The following PCDH15 variants were observed in gnomAD, a reference collection of about 807,000 sequenced individuals.
PCDH15 encodes protocadherin related 15.
In PCDH15, 129 loss-of-function variants were observed where a neutral mutation model predicts 178.5. That is an observed-to-expected ratio of 0.72 (90% CI 0.63 to 0.84). The LOEUF (loss-of-function observed/expected upper bound fraction) is 0.84, where lower values mean the gene tolerates loss of function less well. Among genes scored for constraint, PCDH15 ranks in the 40% least tolerant of loss-of-function variants. The pLI is 0.00. For missense variants in PCDH15, 2,230 were observed against 2,099.9 expected, an observed-to-expected ratio of 1.06 and a Z score of -1.21; for synonymous variants, 800 against 732.0, an observed-to-expected ratio of 1.09 and a Z score of -1.50.
At chr10:54,619,765 A>G (rs1319985830) in intron 2 of PCDH15, among the ~76,000 whole-genome samples, 1 of 152,038 alleles carries the variant, frequency 6.6e-6, no homozygotes, top group Non-Finnish European at 1.5e-5. Context: ...CATAGTGTGG[A>G]CCAAATTTAC....
intron 17 of PCDH15, among the ~76,000 whole-genome samples, chr10:54,073,844 T>C (rs2094292098): frequency 6.6e-6 from 1 of 152,214 alleles, no homozygotes; most frequent in Admixed American, 6.5e-5. Context: ...TTTATATCTT[T>C]CACTGTGTTA....
At chr10:55,086,200 T>G (rs1733748) in intron 2 of PCDH15, among the ~76,000 whole-genome samples, 13,919 of 151,958 alleles carry the variant, frequency 0.092, 1,920 homozygotes, top group African/African-American at 0.3. Flanking sequence ...AGGGAATAAT[T>G]ATTTCACTGC....
At chr10:53,877,247 T>G (rs2080315220) in intron 26 of PCDH15, among the ~76,000 whole-genome samples, 1 of 152,166 alleles carries the variant, frequency 6.6e-6, no homozygotes, top group Admixed American at 6.6e-5. Flanking sequence ...AATAAAATGA[T>G]TATACCTCCC....
intron 2 of PCDH15, among the ~76,000 whole-genome samples, chr10:54,930,912 T>A (rs1837755767): frequency 6.6e-6 from 1 of 152,196 alleles, no homozygotes; most frequent in African/African-American, 2.4e-5. Context: ...ACAAAACATT[T>A]GGGCAATTTT....
chr10:55,544,569 A>G (rs915025443), intron 2 of PCDH15, among the ~76,000 whole-genome samples: 3 of 151,932 alleles, frequency 2.0e-5, no homozygotes, highest in Non-Finnish European at 4.4e-5. Context: ...TTTTTTCCTT[A>G]CTGTTAGGGA....
rs143672274 is a variant in PCDH15, at chr10:55,421,598, T to A, written c.-156+206027A>T. 1.2e-3 allele frequency among the ~76,000 whole-genome samples: 177 copies of A among 151,096 alleles called. 1 individual carries two copies. Among genetic ancestry groups the A allele is most frequent in the African/African-American group, 4.1e-3 (168 of 41,406 alleles). On this transcript the variant is annotated intron_variant, in intron 2 of 5. Coordinates refer to the PCDH15 transcript ENST00000613346. The stretch of plus-strand genomic sequence containing the variant: ...ATTTTATCAGGAGACTAAAATGATC[T>A]TCTGTGACTCACTGCTAGAGAAACT...
intron 3 of PCDH15, among the ~76,000 whole-genome samples, chr10:54,873,913 T>A (rs1427145289): frequency 6.6e-6 from 1 of 150,624 alleles, no homozygotes; most frequent in African/African-American, 2.4e-5. Context: ...TGTATAGTAA[T>A]GAATAAATTA....
intron 3 of PCDH15, among the ~76,000 whole-genome samples, chr10:54,864,489 A>T (rs1953900943): frequency 6.6e-6 from 1 of 152,210 alleles, no homozygotes; most frequent in Non-Finnish European, 1.5e-5. Context: ...GGAAACTTAT[A>T]TCAAGGATAG....
At chr10:54,373,848 T>C (rs532869453) in intron 4 of PCDH15, among the ~76,000 whole-genome samples, 38 of 152,146 alleles carry the variant, frequency 2.5e-4, no homozygotes, top group African/African-American at 8.2e-4. Context: ...GCACATAAAA[T>C]TCAACTGATA....
chr10:55,278,232 G>T (rs1004617924), intron 1 of PCDH15, among the ~76,000 whole-genome samples: 1 of 151,854 alleles, frequency 6.6e-6, no homozygotes. Context: ...TTGAAAGGGA[G>T]AGTAACATAT....
chr10:55,293,728 C>T (rs1843069802), intron 1 of PCDH15, among the ~76,000 whole-genome samples: 1 of 152,134 alleles, frequency 6.6e-6, no homozygotes. Context: ...CCAACAAGTT[C>T]CTCATCTTCA....
At chr10:54,813,733 T>A (rs2133732215) in intron 3 of PCDH15, among the ~76,000 whole-genome samples, 1 of 152,336 alleles carries the variant, frequency 6.6e-6, no homozygotes, top group Admixed American at 6.5e-5. Flanking sequence ...CTTCAATCTA[T>A]TCTGCACATC....
chr10:53,839,888 A>T (rs2077536914), intron 29 of PCDH15, among the ~76,000 whole-genome samples: 1 of 152,230 alleles, frequency 6.6e-6, no homozygotes. Flanking sequence ...AAAAAAGCAG[A>T]TATTGATTTT....
intron 2 of PCDH15, among the ~76,000 whole-genome samples, chr10:55,410,972 T>G (rs1838317416): frequency 2.0e-5 from 3 of 151,906 alleles, no homozygotes; most frequent in South Asian, 4.1e-4. Context: ...TGAAAAAAAA[T>G]CCAAGCACTG....
chr10:53,977,480 C>T (rs575866685), intron 21 of PCDH15, among the ~76,000 whole-genome samples: 9 of 152,298 alleles, frequency 5.9e-5, no homozygotes, highest in South Asian at 2.1e-4. Flanking sequence ...GTAACACTTA[C>T]GTGTATGTGT....
intron 2 of PCDH15, among the ~76,000 whole-genome samples, chr10:55,020,546 A>G (rs10825433): frequency 0.075 from 11,431 of 152,136 alleles, 674 homozygotes; most frequent in African/African-American, 0.16. Context: ...TTATTTGTTA[A>G]TCTATTACTA....
At chr10:53,915,051 G>A (rs766327744) in intron 25 of PCDH15, among the ~76,000 whole-genome samples, 2 of 152,020 alleles carry the variant, frequency 1.3e-5, no homozygotes, top group African/African-American at 4.8e-5. Context: ...TTCTTACTAA[G>A]GGGTTTATAG....
At chr10:55,018,490 T>C (rs754553284) in intron 2 of PCDH15, among the ~76,000 whole-genome samples, 1 of 152,146 alleles carries the variant, frequency 6.6e-6, no homozygotes, top group Non-Finnish European at 1.5e-5. Context: ...TGTTGTATTG[T>C]TATTTTTTAT....
At chr10:54,457,793 G>GA (rs2076924475) in intron 3 of PCDH15, among the ~76,000 whole-genome samples, 1 of 152,056 alleles carries the variant, frequency 6.6e-6, no homozygotes, top group Non-Finnish European at 1.5e-5. Flanking sequence ...GTGCTACAGG[G>GA]AAAAATATAA....
Sources: allele counts gnomAD v4.1 joint callset (sites outside exome capture counted in the v4.1 genomes callset), GRCh38; gene constraint gnomAD v4.1.1; transcripts MANE v1.5; gene names NCBI Gene and HGNC (gene_info 2026-07-23, HGNC 2026-07-21).